The following NRG3 variants were observed in gnomAD, a reference collection of about 807,000 sequenced individuals.
NRG3 encodes pro-neuregulin-3, membrane-bound isoform.
Under a neutral mutation model 66.9 loss-of-function variants are expected in NRG3, and 31 were observed. The observed-to-expected ratio is 0.46, with a 90% CI of 0.35 to 0.63. The LOEUF (loss-of-function observed/expected upper bound fraction) is 0.63, where lower values mean the gene tolerates loss of function less well. Ranked by LOEUF, NRG3 falls within the 20% of genes least tolerant of loss-of-function variation. The probability of loss-of-function intolerance (pLI) is 0.00; values close to 1 mark genes in which losing one functional copy is unlikely to be tolerated. For synonymous variants in NRG3, 393 were observed against 359.4 expected (o/e 1.09, Z -1.06); for missense variants, 910 against 878.9 (o/e 1.04, Z -0.45).
At chr10:82,356,937 C>G (rs117367489) in intron 1 of NRG3, among the ~76,000 whole-genome samples, 1,743 of 152,214 alleles carry the variant, frequency 0.011, 15 homozygotes, top group Middle Eastern at 0.031. Flanking sequence ...TTTCTGAACA[C>G]CAGTTCTCAT....
In NRG3 at chr10:82,810,277, T is replaced by C. The variant is rs144956760; in HGVS notation, c.1028-55134T>C. On this transcript the variant is annotated intron_variant, in intron 3 of 8. Transcript: ENST00000372141. ...TATTTCCTTTGAAAAGTTTTAAAGA[T>C]CTGGTTTTTATACTTAAGTATAAAA... is the stretch of plus-strand genomic sequence containing the variant. 7.9e-4 allele frequency among the ~76,000 whole-genome samples: 121 copies of C among 152,354 alleles called. 1 individual carries two copies. The highest frequency in any genetic ancestry group is 2.8e-3 in the African/African-American group (117 of 41,588).
At chr10:82,584,604 A>G (rs972858673) in intron 2 of NRG3, among the ~76,000 whole-genome samples, 1 of 151,998 alleles carries the variant, frequency 6.6e-6, no homozygotes, top group Non-Finnish European at 1.5e-5. Flanking sequence ...GAATATTTTT[A>G]TTTTTCCACA....
intron 4 of NRG3, among the ~76,000 whole-genome samples, chr10:82,896,873 TAG>T (rs1394911667): frequency 6.6e-6 from 1 of 152,202 alleles, no homozygotes; most frequent in African/African-American, 2.4e-5. Context: ...TAAAGAAACT[TAG>T]AGTCTTTATT....
At chr10:82,713,548 C>T (rs115087735) in intron 2 of NRG3, among the ~76,000 whole-genome samples, 1,642 of 152,216 alleles carry the variant, frequency 0.011, 30 homozygotes, top group African/African-American at 0.038. Flanking sequence ...GAGGGTTTCC[C>T]TTAAATGAGG....
chr10:82,851,818 G>A (rs529022402), intron 3 of NRG3, among the ~76,000 whole-genome samples: 2 of 152,234 alleles, frequency 1.3e-5, no homozygotes, highest in African/African-American at 2.4e-5. Flanking sequence ...GAAAAATTAA[G>A]CAAATCATTT....
intron 1 of NRG3, among the ~76,000 whole-genome samples, chr10:82,265,126 T>C (rs1190322516): frequency 1.3e-5 from 2 of 152,076 alleles, no homozygotes; most frequent in African/African-American, 2.4e-5. Context: ...GATAATAAGA[T>C]AGTAAATTAA....
At chr10:82,156,321 A>G (rs2071180693) in intron 1 of NRG3, among the ~76,000 whole-genome samples, 1 of 151,360 alleles carries the variant, frequency 6.6e-6, no homozygotes, top group Non-Finnish European at 1.5e-5. Flanking sequence ...CCTGAATTTC[A>G]GTCTCAGCTT....
chr10:82,538,259 G>C (rs918170899), intron 2 of NRG3, among the ~76,000 whole-genome samples: 1 of 152,136 alleles, frequency 6.6e-6, no homozygotes, highest in Admixed American at 6.5e-5. Context: ...GCCAGAATTT[G>C]AATCTGTAGT....
chr10:82,139,416 G>C (rs902157030), intron 1 of NRG3, among the ~76,000 whole-genome samples: 1 of 152,140 alleles, frequency 6.6e-6, no homozygotes, highest in Non-Finnish European at 1.5e-5. Context: ...TATACCACGT[G>C]AAAGATTCTA....
intron 1 of NRG3, among the ~76,000 whole-genome samples, chr10:82,109,018 G>A (rs2067223529): frequency 6.6e-6 from 1 of 152,288 alleles, no homozygotes; most frequent in East Asian, 1.9e-4. Context: ...TGTGGACAGG[G>A]GCTGGGTTTT....
intron 2 of NRG3, among the ~76,000 whole-genome samples, chr10:82,475,142 G>GA (rs993128685): frequency 3.5e-4 from 53 of 151,548 alleles, no homozygotes; most frequent in Admixed American, 3.4e-3. Context: ...AAAAAGAATA[G>GA]AAAAAATATA....
chr10:82,882,827 T>C (rs1002664207), intron 4 of NRG3, among the ~76,000 whole-genome samples: 2 of 152,134 alleles, frequency 1.3e-5, no homozygotes, highest in African/African-American at 4.8e-5. Flanking sequence ...ATACTGCCTG[T>C]TTAAGGTGGG....
chr10:82,758,560 C>T (rs112133031), intron 3 of NRG3, among the ~76,000 whole-genome samples: 4,845 of 151,976 alleles, frequency 0.032, 273 homozygotes, highest in African/African-American at 0.11. Context: ...TTATTGTCAC[C>T]GAATATCTAG....
At chr10:82,652,157 G>T (rs1373686084) in intron 2 of NRG3, among the ~76,000 whole-genome samples, 1 of 152,180 alleles carries the variant, frequency 6.6e-6, no homozygotes, top group Non-Finnish European at 1.5e-5. Context: ...CTTTTAGGGT[G>T]CCAGCAGGAG....
At chr10:82,554,399 A>C (rs2044515038) in intron 2 of NRG3, among the ~76,000 whole-genome samples, 1 of 152,178 alleles carries the variant, frequency 6.6e-6, no homozygotes, top group South Asian at 2.1e-4. Context: ...CCGTGAATAC[A>C]TCCAACGATT....
At chr10:82,843,345 C>A in intron 3 of NRG3, 1 of 397,160 alleles carries the variant, frequency 2.5e-6, no homozygotes, top group Non-Finnish European at 5.2e-6. Flanking sequence ...ATCCTCTCTG[C>A]CCTTCCTTCC....
intron 2 of NRG3, among the ~76,000 whole-genome samples, chr10:82,649,332 T>C (rs2051221424): frequency 6.6e-6 from 1 of 152,072 alleles, no homozygotes; most frequent in African/African-American, 2.4e-5. Flanking sequence ...AGAGAAAGGA[T>C]TTATAATTGC....
intron 2 of NRG3, among the ~76,000 whole-genome samples, chr10:82,595,600 A>G (rs967600045): frequency 2.0e-5 from 3 of 152,080 alleles, no homozygotes; most frequent in East Asian, 3.9e-4. Context: ...GCTGGCCAAC[A>G]TGGTGAAACT....
intron 2 of NRG3, among the ~76,000 whole-genome samples, chr10:82,382,698 T>C (rs1412783593): frequency 6.6e-6 from 1 of 152,066 alleles, no homozygotes; most frequent in Non-Finnish European, 1.5e-5. Context: ...GGTCCCATTA[T>C]TGTATATAAG....
Sources: allele counts gnomAD v4.1 joint callset (sites outside exome capture counted in the v4.1 genomes callset), GRCh38; gene constraint gnomAD v4.1.1; transcripts MANE v1.5; gene names NCBI Gene and HGNC (gene_info 2026-07-23, HGNC 2026-07-21).